Variants in DOK3 observed in about 807,000 individuals in gnomAD.
The protein encoded by DOK3 is Dok-like protein.
A neutral mutation model predicts 26.2 loss-of-function variants in DOK3; 23 were observed. That is an observed-to-expected ratio of 0.88 (90% CI 0.63 to 1.24). The LOEUF is 1.24. Ranked by LOEUF, DOK3 falls within the 50% of genes most tolerant of loss-of-function variation. The pLI is 0.00. For missense variants in DOK3, 619 were observed against 610.6 expected, an observed-to-expected ratio of 1.01 and a Z score of -0.15; for synonymous variants, 268 against 268.2, an observed-to-expected ratio of 1.00 and a Z score of 0.01.
rs760832608 is a variant in DOK3 at position 177,504,727 on chromosome 5, C to T, written c.645+16G>A. The T allele has an allele frequency of 8.7e-6, 14 of 1,613,872 alleles. No individual in the cohort carries two copies. The highest frequency in any genetic ancestry group is 1.0e-5 in the Non-Finnish European group (12 of 1,179,922). On this transcript the variant is annotated intron_variant, in intron 5 of 5. Coordinates refer to ENST00000510898, the MANE Select transcript of DOK3 (RefSeq NM_001308236.3). The stretch of plus-strand genomic sequence containing the variant: ...AGGGTGTCAGCCCCTCACCCTTTCC[C>T]ACCCCTGCACCTCACCTTGTCGGAG...
At chr5:177,509,332 C>T (rs946130741) in intron 2 of DOK3, 143 bp downstream of exon 2, 55 of 1,121,436 alleles carry the variant, frequency 4.9e-5, no homozygotes, top group Non-Finnish European at 6.7e-5. Context: ...CCATTCCACT[C>T]CCCATACCTG....
At chr5:177,509,397 G>C in intron 2 of DOK3, 78 bp downstream of exon 2, 1 of 1,536,520 alleles carries the variant, frequency 6.5e-7, no homozygotes, top group South Asian at 1.3e-5. Flanking sequence ...TGCCTGGGCT[G>C]TCCGAGGCAG....
At chr5:177,504,947 T>C (rs367957802) in intron 4 of DOK3, 32 bp from the exon 5 acceptor site, 13 of 1,577,358 alleles carry the variant, frequency 8.2e-6, no homozygotes, top group South Asian at 3.5e-5. Context: ...GCTCCGTCAG[T>C]CCCAAAAAGA....
At chr5:177,509,923 C>G, upstream of DOK3, 1 of 1,585,162 alleles carries the variant, frequency 6.3e-7, no homozygotes, top group Non-Finnish European at 8.6e-7. Context: ...CTGGCCCTGC[C>G]TCCACCCAGG....
At position 177,504,018 on chromosome 5, in the gene DOK3, G is replaced by A. The variant is rs1297659678; in HGVS notation, c.1288C>T (p.Arg430Trp). The A allele has an allele frequency of 7.6e-6, 12 of 1,570,858 alleles. No individual in the cohort carries two copies. The highest frequency in any genetic ancestry group is 6.9e-5 in the South Asian group (6 of 86,398). Reference protein sequence around the residue: ...AKLVTLLSRERRKGPAPCDRP With the variant: ...AKLVTLLSREWRKGPAPCDRP ...TCACAAGGGGCTGGGCCCTTCCTCCGCTCACGACTCAGCAGGGTCACCAGC... is the reference window on the plus strand; with the variant it reads ...TCACAAGGGGCTGGGCCCTTCCTCCACTCACGACTCAGCAGGGTCACCAGC... Residue 430 changes from arginine to tryptophan, a missense_variant, in exon 6 of 6, where the codon CGG (arginine) becomes TGG (tryptophan). Physicochemically the swap from Arg to Trp is moderately radical, Grantham distance 101. Transcript: ENST00000510898.
rs1019149137 is a variant in DOK3, at chr5:177,505,029, A to G, written c.454T>C (p.Tyr152His). Residue 152 changes from tyrosine to histidine, a missense_variant, in exon 4 of 6, where the codon TAC becomes CAC. Tyr to His is a moderately conservative substitution (Grantham distance 83). Transcript: ENST00000510898. ...GLVPMEENSI[Y>H]SSWQEVGEFP... ...AACTTACCTTCCTGCCAGGAGGAGT[A>G]GATGGAGTTTTCCTCCATGGGGACC... 1.2e-5 allele frequency: 20 copies of G among 1,611,026 alleles called. No homozygotes were observed. The highest frequency in any genetic ancestry group is 1.6e-5 in the Non-Finnish European group (19 of 1,178,674).
At position 177,509,592 on chromosome 5, in the gene DOK3, C is replaced by T. The variant is rs759230813; in HGVS notation, c.-52G>A. On this transcript the variant is annotated 5_prime_UTR_variant, in exon 2 of 6. Coordinates refer to ENST00000510898, the MANE Select transcript of DOK3 (RefSeq NM_001308236.3). ...CTTCAAGACCTGGGGAGACTGATGA[C>T]AGGCTGGACGGGAACTCCTCACACT... is the stretch of plus-strand genomic sequence containing the variant. 1.9e-6 allele frequency: 3 copies of T among 1,605,880 alleles called. No individual in the cohort carries two copies. The South Asian group carries it at 3.3e-5, about 18-fold the overall frequency.
chr5:177,505,990 G>A lies in DOK3; in HGVS notation c.373-880C>T, dbSNP rs553757807. 5.1e-4 allele frequency among the ~76,000 whole-genome samples: 77 copies of A among 150,462 alleles called. No homozygotes were observed. The Middle Eastern group carries it at 0.018, about 36-fold the overall frequency. ...CCTGACCTCATGATCCGCCTGTCTC[G>A]GCCTCCCAAAGTGCTGGGATTACAG... On this transcript the variant is annotated intron_variant, in intron 3 of 5. Transcript: ENST00000510898.
chr5:177,505,239 G>C, intron 3 of DOK3, 129 bp from the exon 4 acceptor site: 1 of 810,822 alleles, frequency 1.2e-6, no homozygotes, highest in Non-Finnish European at 1.9e-6. Flanking sequence ...AGCTTTGCCC[G>C]GCTCGCTGCA....
At chr5:177,506,280 T>A (rs539315501) in intron 3 of DOK3, among the ~76,000 whole-genome samples, 1 of 151,552 alleles carries the variant, frequency 6.6e-6, no homozygotes, top group Non-Finnish European at 1.5e-5. Context: ...TTTTGATTTT[T>A]AAAATATGAT....
In DOK3 at chr5:177,504,484, A is replaced by G; in HGVS notation, c.822T>C (p.Ser274=). 1 of 1,585,856 alleles carries G rather than the reference A, an allele frequency of 6.3e-7. No homozygotes were observed. Among genetic ancestry groups the G allele is most frequent in the Non-Finnish European group, 8.6e-7 (1 of 1,168,498 alleles). The stretch of plus-strand genomic sequence containing the variant: ...CTCCGGGGGTGTCCAGGGAGGGCAG[A>G]GAGGTGGCCCGTGGCAGGGGGCAGG... ...PQPCPLPRAT[S]LPSLDTPGEL... is the part of the protein sequence containing the mutation. Residue 274 remains serine, a synonymous_variant, in exon 6 of 6, where the codon TCT becomes TCC. Transcript: ENST00000510898.
chr5:177,509,842 C>T (rs1381539865), upstream of DOK3: 1 of 1,610,900 alleles, frequency 6.2e-7, no homozygotes, highest in Non-Finnish European at 8.5e-7. Flanking sequence ...CAGTCTGGCT[C>T]CCCGAGTCAT....
Position 177,509,777 on chromosome 5 carries a change from A to G in DOK3, c.-137T>C, listed in dbSNP as rs751252625. The G allele has an allele frequency of 3.1e-6, 5 of 1,612,162 alleles. No individual in the cohort carries two copies. Among genetic ancestry groups the G allele is most frequent in the South Asian group, 2.2e-5 (2 of 91,016 alleles). On this transcript the variant is annotated 5_prime_UTR_variant, in exon 1 of 6. Transcript: ENST00000510898. ...ACCTACCTGGAGGGAGCCCCCGGCC[A>G]CCTGAAGGCAGCCTTCTCACGCACC...
chr5:177,505,130 C>T lies in DOK3; in HGVS notation c.373-20G>A, dbSNP rs752408725. 6.3e-7 allele frequency: 1 copy of T among 1,587,550 alleles called. No homozygotes were observed. Among genetic ancestry groups the T allele is most frequent in the Non-Finnish European group, 8.6e-7 (1 of 1,167,214 alleles). On this transcript the variant is annotated intron_variant, in intron 3 of 5. Transcript: ENST00000510898. ...TGTCCCCTGGGGAATGAGTTCAAGT[C>T]AAAGGTGAGAGCACCGCACTCCCAT...
chr5:177,509,834 GTCTGGCTCCCC>G, upstream of DOK3: 1 of 1,611,244 alleles, frequency 6.2e-7, no homozygotes, highest in Non-Finnish European at 8.5e-7. Context: ...TCTGATCGCA[GTCTGGCTCCCC>G]GAGTCATGAG....
In DOK3 at chr5:177,504,605, G is replaced by A. The variant is rs73349185; in HGVS notation, c.701C>T (p.Ala234Val). 3.1e-6 allele frequency: 5 copies of A among 1,610,736 alleles called. No individual in the cohort carries two copies. The highest frequency in any genetic ancestry group is 4.2e-6 in the Non-Finnish European group (5 of 1,179,248). The stretch of plus-strand genomic sequence containing the variant: ...GTCAGGGGCACAGGGGGTGCTGAAG[G>A]CAAAGAGGCCCTCACCCGAGTGGCA... ...RRCHSGEGLFAFSTPCAPDLC... is the reference protein window; with the variant it reads ...RRCHSGEGLFVFSTPCAPDLC... The change falls in exon 6 of 6, where the codon GCC becomes GTC. Residue 234 changes from alanine (A) to valine (V), a missense_variant. By Grantham distance (64) the Ala-to-Val change is moderately conservative. Coordinates refer to ENST00000510898, the MANE Select transcript of DOK3 (RefSeq NM_001308236.3).
rs974109170 is a variant in DOK3, at chr5:177,508,556, G to C, written c.67-14C>G. The C allele has an allele frequency of 1.1e-5, 17 of 1,517,356 alleles. No individual in the cohort carries two copies. In the South Asian group the frequency reaches 1.8e-4, roughly 16 times the overall value. The allele number at this position is 1,517,356 out of a possible 1,614,324, so 94.0% of individuals were successfully genotyped here. ...CCGCCAGCACTTCTGCGGGAGGGGA[G>C]CGGGAGGGTGAAGACCCTTGGGTGG... On this transcript the variant is annotated splice_polypyrimidine_tract_variant and intron_variant, in intron 2 of 5. Transcript: ENST00000510898.
rs1759584863 is a variant in DOK3, at chr5:177,503,528, G to T, written c.*455C>A. On this transcript the variant is annotated 3_prime_UTR_variant, in exon 6 of 6. Coordinates refer to ENST00000510898, the MANE Select transcript of DOK3 (RefSeq NM_001308236.3). ...GGGTCTCCAGTTGGGCCCTCATGTT[G>T]CTCCTTCCTGAGTCTGACAAGTAAG... 2 of 1,423,226 alleles carry T rather than the reference G, an allele frequency of 1.4e-6. No individual in the cohort carries two copies. Among genetic ancestry groups the T allele is most frequent in the South Asian group, 1.5e-5 (1 of 66,306 alleles). The allele number at this position is 1,423,226 out of a possible 1,614,324, so 88.2% of individuals were successfully genotyped here.
chr5:177,509,374 A>G lies in DOK3; in HGVS notation c.66+101T>C, dbSNP rs547228986. Reference sequence around the variant, plus strand: ...ATCCTCCACCCTGACTCCCTTCCCAAGTCTCCCAGGTCTGCCTGGGCTGTC... The same window carrying G: ...ATCCTCCACCCTGACTCCCTTCCCAGGTCTCCCAGGTCTGCCTGGGCTGTC... On this transcript the variant is annotated intron_variant, in intron 2 of 5. Coordinates refer to ENST00000510898, the MANE Select transcript of DOK3 (RefSeq NM_001308236.3). 35 of 1,470,934 alleles carry G rather than the reference A, an allele frequency of 2.4e-5. No homozygotes were observed. In the Admixed American group the frequency reaches 5.2e-4, roughly 22 times the overall value. 91.1% of individuals were successfully genotyped at this position (1,470,934 alleles called of 1,614,324 possible).
Sources: allele counts gnomAD v4.1 joint callset (sites outside exome capture counted in the v4.1 genomes callset), GRCh38; gene constraint gnomAD v4.1.1; transcripts MANE v1.5; gene names NCBI Gene and HGNC (gene_info 2026-07-23, HGNC 2026-07-21).